Variants in ZNF44 observed in about 807,000 individuals in gnomAD.
The protein encoded by ZNF44 is gonadotropin inducible transcription repressor-2.
In ZNF44, 9 loss-of-function variants were observed where a neutral mutation model predicts 11.7. The ratio of observed to expected loss-of-function variants is 0.77; its 90% CI spans 0.46 to 1.35. The LOEUF is 1.35. ZNF44 is among the 40% of genes most tolerant of loss of function. ZNF44 has a pLI of 0.00. For synonymous variants in ZNF44, 224 were observed against 242.7 expected, an observed-to-expected ratio of 0.92 and a Z score of 0.72; for missense variants, 696 against 743.1, an observed-to-expected ratio of 0.94 and a Z score of 0.74.
intron 5 of ZNF44, among the ~76,000 whole-genome samples, chr19:12,253,258 C>T (rs1392076943): frequency 1.4e-5 from 2 of 143,054 alleles, no homozygotes; most frequent in Non-Finnish European, 3.0e-5. Flanking sequence ...GGTGTGGTCT[C>T]AGCTCACTGC....
At chr19:12,234,481 G>A (rs368724129) in intron 2 of ZNF44, among the ~76,000 whole-genome samples, 3 of 152,084 alleles carry the variant, frequency 2.0e-5, no homozygotes, top group African/African-American at 4.8e-5. Context: ...AATGTAGACC[G>A]AGAAAAATCA....
At chr19:12,235,464 G>T (rs1480963413) in intron 1 of ZNF44, among the ~76,000 whole-genome samples, 2 of 152,118 alleles carry the variant, frequency 1.3e-5, no homozygotes, top group African/African-American at 4.8e-5. Context: ...ATACATGCTA[G>T]GAGGCCAACA....
intron 5 of ZNF44, among the ~76,000 whole-genome samples, chr19:12,261,286 T>C (rs924131870): frequency 6.6e-6 from 1 of 152,178 alleles, no homozygotes; most frequent in Non-Finnish European, 1.5e-5. Context: ...AAGTGGTCAA[T>C]TGTGAAACAT....
At chr19:12,275,708 TACATATG>T (rs1344198158) in intron 2 of ZNF44, among the ~76,000 whole-genome samples, 2 of 152,206 alleles carry the variant, frequency 1.3e-5, no homozygotes, top group African/African-American at 2.4e-5. Flanking sequence ...CAGTATGCAA[TACATATG>T]ACATATATGT....
chr19:12,287,756 C>T (rs936054221), intron 1 of ZNF44, among the ~76,000 whole-genome samples: 1 of 152,120 alleles, frequency 6.6e-6, no homozygotes, highest in Non-Finnish European at 1.5e-5. Flanking sequence ...TGTGAATAGT[C>T]TGCAATAAAC....
At chr19:12,233,126 A>T (rs942653059) in intron 2 of ZNF44, among the ~76,000 whole-genome samples, 41 of 152,162 alleles carry the variant, frequency 2.7e-4, no homozygotes, top group Admixed American at 6.5e-5. Context: ...CCCTGACCAG[A>T]GACATGCACC....
chr19:12,240,248 A>G (rs1036366257), upstream of ZNF44, among the ~76,000 whole-genome samples: 1 of 151,942 alleles, frequency 6.6e-6, no homozygotes, highest in Admixed American at 6.6e-5. Context: ...GTTCAAGACC[A>G]GCATGGCCAA....
chr19:12,230,207 G>A (rs1339818331), intron 3 of ZNF44, among the ~76,000 whole-genome samples: 1 of 152,212 alleles, frequency 6.6e-6, no homozygotes, highest in African/African-American at 2.4e-5. Context: ...GAGAGGGTGT[G>A]GGAATGTGGG....
At chr19:12,262,826 C>T (rs1052361981) in intron 5 of ZNF44, among the ~76,000 whole-genome samples, 1 of 152,090 alleles carries the variant, frequency 6.6e-6, no homozygotes, top group African/African-American at 2.4e-5. Context: ...GTATAAATTA[C>T]AAAATGCTAA....
At chr19:12,266,896 G>A (rs1917753163), downstream of ZNF44, among the ~76,000 whole-genome samples, 2 of 152,290 alleles carry the variant, frequency 1.3e-5, no homozygotes, top group Admixed American at 1.3e-4. Flanking sequence ...CCTCAGAGCA[G>A]GAGGGGTGCC....
upstream of ZNF44, among the ~76,000 whole-genome samples, chr19:12,241,318 C>A (rs1916607613): frequency 6.6e-6 from 1 of 152,184 alleles, no homozygotes. Flanking sequence ...TTACACACAG[C>A]CACTGTGAAA....
upstream of ZNF44, among the ~76,000 whole-genome samples, chr19:12,239,595 A>AGAT (rs975238799): frequency 1.9e-4 from 14 of 75,392 alleles, no homozygotes; most frequent in Admixed American, 2.3e-3. Context: ...TTTTTTTTTG[A>AGAT]GATAGAGTCT....
At chr19:12,282,421 C>CT (rs59865823) in intron 1 of ZNF44, among the ~76,000 whole-genome samples, 22,150 of 125,998 alleles carry the variant, frequency 0.18, 2,272 homozygotes, top group East Asian at 0.27. Context: ...GAGAAGTCTT[C>CT]TTTTTTTTTT....
chr19:12,237,387 A>C (rs919161291), intron 1 of ZNF44: 1 of 154,272 alleles, frequency 6.5e-6, no homozygotes. Context: ...CGCTGCTGAC[A>C]GGCCCGGGTC....
chr19:12,233,826 G>A lies in ZNF44; in HGVS notation n.380+841C>T, dbSNP rs146950514. 3.3e-3 allele frequency among the ~76,000 whole-genome samples: 496 copies of A among 152,248 alleles called. 2 individuals carry two copies. The highest frequency in any genetic ancestry group is 0.011 in the African/African-American group (467 of 41,542). ...CACCTGTAATCCCAGCACTTTGGGAGACCGAGGCAGGTGGATCATGAGGTC... is the reference window on the plus strand; with the variant it reads ...CACCTGTAATCCCAGCACTTTGGGAAACCGAGGCAGGTGGATCATGAGGTC... On this transcript the variant is annotated intron_variant and non_coding_transcript_variant, in intron 2 of 3. Transcript: ENST00000597563.
chr19:12,260,185 A>T (rs1026722004), intron 5 of ZNF44: 2 of 769,864 alleles, frequency 2.6e-6, no homozygotes, highest in Non-Finnish European at 4.8e-6. Context: ...GATCAAGAGG[A>T]CTATGCCGAC....
chr19:12,266,391 A>C (rs1210034636), intron 5 of ZNF44: 12 of 965,846 alleles, frequency 1.2e-5, no homozygotes, highest in Non-Finnish European at 1.5e-5. Context: ...AGAAGCCGAG[A>C]GCGACCCGAG....
At chr19:12,280,949 C>G (rs962616964) in intron 1 of ZNF44, among the ~76,000 whole-genome samples, 1 of 152,064 alleles carries the variant, frequency 6.6e-6, no homozygotes, top group Non-Finnish European at 1.5e-5. Context: ...ATACATAATG[C>G]AAAAACATAT....
downstream of ZNF44, among the ~76,000 whole-genome samples, chr19:12,225,859 C>T (rs527421590): frequency 7.6e-4 from 116 of 152,208 alleles, no homozygotes; most frequent in Admixed American, 2.6e-3. Context: ...TTATTTCCTC[C>T]GGTGAGAGTC....
Sources: gnomAD v4.1 joint callset for allele counts (sites outside exome capture counted in the v4.1 genomes callset) on GRCh38, gnomAD v4.1.1 for gene constraint, MANE v1.5 for transcripts, NCBI Gene and HGNC (gene_info 2026-07-23, HGNC 2026-07-21) for gene names.